Variants in NLRP8 observed in about 807,000 individuals in gnomAD.
The protein encoded by NLRP8 is NLR family pyrin domain containing 8, also known as NACHT, LRR and PYD domains-containing protein 8.
A neutral mutation model predicts 88.7 loss-of-function variants in NLRP8; 86 were observed. The ratio of observed to expected loss-of-function variants is 0.97; its 90% CI spans 0.81 to 1.16. NLRP8 has a LOEUF of 1.16. Ranked by LOEUF, NLRP8 falls within the 50% of genes most tolerant of loss-of-function variation. The pLI, the probability that NLRP8 is intolerant of heterozygous loss-of-function variation, is 0.00. For synonymous variants in NLRP8, 504 were observed against 494.6 expected, an observed-to-expected ratio of 1.02 and a Z score of -0.25; for missense variants, 1,342 against 1,286.5, an observed-to-expected ratio of 1.04 and a Z score of -0.66.
Position 55,987,836 on chromosome 19 carries a change from ATAAC to A in NLRP8, c.3073_3076del (p.Thr1025AlafsTer35), listed in dbSNP as rs1377137106. 15 of 1,613,978 alleles carry A rather than the reference ATAAC, an allele frequency of 9.3e-6. No individual in the cohort carries two copies. The highest frequency in any genetic ancestry group is 1.3e-5 in the Non-Finnish European group (15 of 1,179,938). On this transcript the variant is annotated frameshift_variant, in exon 10 of 10. Coordinates refer to ENST00000291971, the MANE Select transcript of NLRP8 (RefSeq NM_176811.2). LOFTEE classifies it low-confidence loss of function (END_TRUNC). ...CAGCTGTATTCCTGCCTGGACTCGA[ATAAC>A]TAGCTTCTCCCCAACTCCTCACCCA...
chr19:55,951,281 G>A (rs1264495707), intron 1 of NLRP8, among the ~76,000 whole-genome samples: 2 of 151,976 alleles, frequency 1.3e-5, no homozygotes, highest in Admixed American at 6.6e-5. Flanking sequence ...TACTAAATAA[G>A]GTGTCTTTAA....
rs1980033074 is a variant in NLRP8 at position 55,970,613 on chromosome 19, TCTAAAGACTCTCATA to T, written c.2456_2470del (p.Lys819_Leu823del). ...GCAATAATCTTCAAGGTAACGGGCA[TCTAAAGACTCTCATA>T]CTAAGAAAAAACTCCCTGGAGAACT... On this transcript the variant is annotated inframe_deletion, in exon 6 of 10. Coordinates refer to ENST00000291971, the MANE Select transcript of NLRP8 (RefSeq NM_176811.2). The T allele has an allele frequency of 6.2e-7, 1 of 1,613,980 alleles. No individual in the cohort carries two copies. The highest frequency in any genetic ancestry group is 1.1e-5 in the South Asian group (1 of 91,078).
intron 3 of NLRP8, among the ~76,000 whole-genome samples, chr19:55,958,793 C>G (rs1310566834): frequency 1.3e-5 from 2 of 152,178 alleles, no homozygotes; most frequent in African/African-American, 4.8e-5. Flanking sequence ...TCAAGAAATG[C>G]TCTCGCCTCT....
rs199733221 is a variant in NLRP8, at chr19:55,954,644, A to C, written c.586A>C (p.Lys196Gln). The C allele has an allele frequency of 6.2e-7, 1 of 1,614,080 alleles. No individual in the cohort carries two copies. The highest frequency in any genetic ancestry group is 1.3e-5 in the African/African-American group (1 of 74,928). ...GTACTTACCATGTCTGCTTCTGCCC[A>C]AAAGACCCCAGGGTAGACAGCCCAA... Residue 196 changes from lysine (K) to glutamine (Q), a missense_variant, in exon 3 of 10, where the codon AAA becomes CAA. Physicochemically the swap from Lys to Gln is moderately conservative, Grantham distance 53. Transcript: ENST00000291971.
chr19:55,973,940 A>G (rs1196792040), intron 7 of NLRP8, 118 bp downstream of exon 7: 2 of 1,004,808 alleles, frequency 2.0e-6, no homozygotes, highest in Middle Eastern at 3.3e-4. Context: ...CGTGTTAGGC[A>G]TGGTGCTAGC....
At chr19:55,964,806 C>A (rs929328631) in intron 4 of NLRP8, among the ~76,000 whole-genome samples, 35 of 151,600 alleles carry the variant, frequency 2.3e-4, no homozygotes, top group African/African-American at 8.5e-4. Context: ...GTGGTGATGG[C>A]ATCACGAATA....
intron 1 of NLRP8, among the ~76,000 whole-genome samples, chr19:55,952,241 A>T (rs306502): frequency 0.67 from 101,713 of 152,138 alleles, 34,681 homozygotes; most frequent in East Asian, 0.8. Flanking sequence ...TGTGTGTGTA[A>T]GAGTATGTGT....
intron 9 of NLRP8, among the ~76,000 whole-genome samples, chr19:55,984,526 T>C (rs1228468737): frequency 1.3e-5 from 2 of 150,614 alleles, no homozygotes; most frequent in Non-Finnish European, 2.9e-5. Context: ...TGGTGGTGCA[T>C]GCCTGTGGTC....
chr19:55,952,004 A>C (rs1447723451), intron 1 of NLRP8, among the ~76,000 whole-genome samples: 1 of 152,214 alleles, frequency 6.6e-6, no homozygotes, highest in Admixed American at 6.5e-5. Flanking sequence ...CTCCTGCCTC[A>C]GCCTCCCAAA....
intron 7 of NLRP8, among the ~76,000 whole-genome samples, chr19:55,974,373 T>C (rs200835744): frequency 4.0e-4 from 60 of 148,930 alleles, no homozygotes; most frequent in Non-Finnish European, 6.9e-4. Flanking sequence ...GTGTGTCTGT[T>C]CCCATACATC....
At chr19:55,982,631 A>G (rs892896518) in intron 9 of NLRP8, among the ~76,000 whole-genome samples, 2 of 152,230 alleles carry the variant, frequency 1.3e-5, no homozygotes, top group Admixed American at 6.5e-5. Context: ...ATCTTGTGCC[A>G]GAAGTAAGAC....
At chr19:55,979,313 C>G in intron 8 of NLRP8, 81 bp from the exon 9 acceptor site, 1 of 1,476,218 alleles carries the variant, frequency 6.8e-7, no homozygotes, top group South Asian at 1.2e-5. Context: ...GATTTCTTGG[C>G]TGTAAGCCGT....
Position 55,966,228 on chromosome 19 carries a change from T to C in NLRP8, c.2229T>C (p.Asn743=). The change falls in exon 5 of 10, where the codon AAT becomes AAC. Residue 743 remains asparagine, a synonymous_variant. Coordinates refer to ENST00000291971, the MANE Select transcript of NLRP8 (RefSeq NM_176811.2). ...CCCTCTCCAGCCTAAGGCGTGTGAA[T>C]AGCACCATGTTGAACCAGGACTTAA... The C allele has an allele frequency of 6.2e-7, 1 of 1,614,092 alleles. No individual in the cohort carries two copies. The highest frequency in any genetic ancestry group is 8.5e-7 in the Non-Finnish European group (1 of 1,179,954).
intron 7 of NLRP8, among the ~76,000 whole-genome samples, chr19:55,975,291 A>G (rs895192068): frequency 1.3e-5 from 2 of 152,130 alleles, no homozygotes; most frequent in Non-Finnish European, 2.9e-5. Flanking sequence ...GGCGCAAAAT[A>G]CCCCCTGAAA....
At chr19:55,982,844 G>A (rs2123230950) in intron 9 of NLRP8, among the ~76,000 whole-genome samples, 1 of 152,298 alleles carries the variant, frequency 6.6e-6, no homozygotes, top group African/African-American at 2.4e-5. Flanking sequence ...TATTTGGGGG[G>A]CTGAAGTGGG....
chr19:55,950,213 C>T (rs1979028958), intron 1 of NLRP8, among the ~76,000 whole-genome samples: 1 of 151,256 alleles, frequency 6.6e-6, no homozygotes, highest in South Asian at 2.1e-4. Context: ...GAGTTCAAGA[C>T]CAGCCCGGCC....
At chr19:55,956,786 C>T (rs965394373) in intron 3 of NLRP8, among the ~76,000 whole-genome samples, 1 of 152,026 alleles carries the variant, frequency 6.6e-6, no homozygotes, top group South Asian at 2.1e-4. Flanking sequence ...TGGGACCTTG[C>T]TTCATCTATC....
intron 9 of NLRP8, among the ~76,000 whole-genome samples, chr19:55,987,346 G>A (rs901484940): frequency 6.6e-6 from 1 of 152,228 alleles, no homozygotes; most frequent in Non-Finnish European, 1.5e-5. Flanking sequence ...CTCCAGCGTG[G>A]GTGACAGAGT....
At chr19:55,953,964 T>A (rs571222372) in intron 2 of NLRP8, among the ~76,000 whole-genome samples, 1 of 150,782 alleles carries the variant, frequency 6.6e-6, no homozygotes, top group Admixed American at 6.6e-5. Flanking sequence ...CCACCACGCC[T>A]GGCTAATTTT....
Sources: gnomAD v4.1 joint callset for allele counts (sites outside exome capture counted in the v4.1 genomes callset) on GRCh38, gnomAD v4.1.1 for gene constraint, MANE v1.5 for transcripts, NCBI Gene and HGNC (gene_info 2026-07-23, HGNC 2026-07-21) for gene names.